Variants in DPP10 observed in about 807,000 individuals in gnomAD.
The protein encoded by DPP10 is inactive dipeptidyl peptidase 10.
Under a neutral mutation model 120.9 loss-of-function variants are expected in DPP10, and 33 were observed. That is an observed-to-expected ratio of 0.27 (90% CI 0.21 to 0.37). The LOEUF (loss-of-function observed/expected upper bound fraction) is 0.37. Ranked by LOEUF, DPP10 falls within the 10% of genes least tolerant of loss-of-function variation. The probability of loss-of-function intolerance (pLI) is 1.00; values close to 1 mark genes in which losing one functional copy is unlikely to be tolerated. For synonymous variants in DPP10, 337 were observed against 326.1 expected (o/e 1.03, Z -0.36); for missense variants, 816 against 942.8 (o/e 0.87, Z 1.76).
intron 2 of DPP10, among the ~76,000 whole-genome samples, chr2:115,314,887 A>G (rs1429591009): frequency 6.6e-6 from 1 of 152,138 alleles, no homozygotes; most frequent in Non-Finnish European, 1.5e-5. Flanking sequence ...AAAAACTAGA[A>G]GACAGCATTT....
intron 1 of DPP10, among the ~76,000 whole-genome samples, chr2:115,115,021 G>C (rs1004945734): frequency 7.9e-5 from 12 of 151,914 alleles, no homozygotes; most frequent in Non-Finnish European, 1.5e-5. Context: ...CAGTCATAGG[G>C]CACTATGCTG....
chr2:114,866,180 A>T (rs1690219317), intron 1 of DPP10, among the ~76,000 whole-genome samples: 1 of 151,832 alleles, frequency 6.6e-6, no homozygotes, highest in Non-Finnish European at 1.5e-5. Context: ...CAAAACAGTC[A>T]TATTTACAAA....
intron 3 of DPP10, among the ~76,000 whole-genome samples, chr2:115,450,474 C>T (rs973586418): frequency 6.6e-5 from 10 of 151,688 alleles, no homozygotes; most frequent in African/African-American, 9.7e-5. Context: ...TTTTTTATTG[C>T]GAAACTTTGA....
In DPP10 at chr2:114,757,319, G is replaced by A. The variant is rs905121496; in HGVS notation, c.60+314481G>A. ...AAGGAAGGAAGAGGGAAGGGAGAAA[G>A]GAGGGAAGGAAAGAAGGAAGAGAAG... is the stretch of plus-strand genomic sequence containing the variant. On this transcript the variant is annotated intron_variant, in intron 1 of 25. Transcript: ENST00000410059. Among the ~76,000 whole-genome samples, 5 of 143,230 alleles carry A rather than the reference G, an allele frequency of 3.5e-5. No homozygotes were observed. The South Asian group carries it at 1.2e-3, about 33-fold the overall frequency. 94.0% of individuals were successfully genotyped at this position (143,230 alleles called of 152,430 possible). A position where few individuals can be genotyped will look rare whatever the true frequency, so the allele number is the denominator to read the frequency against.
chr2:114,833,607 G>T (rs1367561407), intron 1 of DPP10: 1 of 152,176 alleles, frequency 6.6e-6, no homozygotes, highest in Non-Finnish European at 1.5e-5. Flanking sequence ...TTTGATTGCA[G>T]TGTGTTCTTC....
intron 1 of DPP10, among the ~76,000 whole-genome samples, chr2:115,006,100 T>A (rs1361267585): frequency 6.6e-6 from 1 of 152,130 alleles, no homozygotes; most frequent in Non-Finnish European, 1.5e-5. Flanking sequence ...ATCCAGAATT[T>A]CATATCCAGG....
intron 2 of DPP10, among the ~76,000 whole-genome samples, chr2:115,314,097 GA>G (rs1421161427): frequency 6.6e-6 from 1 of 151,832 alleles, no homozygotes; most frequent in Non-Finnish European, 1.5e-5. Flanking sequence ...ATATACTTGG[GA>G]GAACATTTTG....
intron 5 of DPP10, among the ~76,000 whole-genome samples, chr2:115,621,317 T>C (rs1357947180): frequency 2.6e-5 from 4 of 152,218 alleles, no homozygotes; most frequent in African/African-American, 7.2e-5. Context: ...TTATAAAATA[T>C]TACATTTTTA....
intron 1 of DPP10, among the ~76,000 whole-genome samples, chr2:115,005,334 C>T (rs934524093): frequency 4.6e-5 from 7 of 152,192 alleles, no homozygotes; most frequent in Non-Finnish European, 7.3e-5. Flanking sequence ...AGGAACGCAG[C>T]TCCTCACCAG....
At chr2:115,449,840 A>C (rs2072956005) in intron 3 of DPP10, among the ~76,000 whole-genome samples, 1 of 152,110 alleles carries the variant, frequency 6.6e-6, no homozygotes, top group Non-Finnish European at 1.5e-5. Flanking sequence ...AGTTACGTGA[A>C]AATTAGTCTG....
At chr2:115,564,129 T>A (rs566585267) in intron 5 of DPP10, among the ~76,000 whole-genome samples, 1 of 152,170 alleles carries the variant, frequency 6.6e-6, no homozygotes, top group South Asian at 2.1e-4. Flanking sequence ...ATGCCAGCCC[T>A]CGATATTCAA....
chr2:115,163,649 G>A (rs527506814), intron 1 of DPP10, among the ~76,000 whole-genome samples: 26 of 152,224 alleles, frequency 1.7e-4, no homozygotes, highest in Admixed American at 4.6e-4. Context: ...CCTCTTTCAG[G>A]CTGACAGCCC....
intron 1 of DPP10, among the ~76,000 whole-genome samples, chr2:114,520,506 G>A (rs192121951): frequency 6.6e-6 from 1 of 152,116 alleles, no homozygotes; most frequent in African/African-American, 2.4e-5. Context: ...TCTTCATTAG[G>A]TAACAGCAAA....
chr2:115,583,519 G>A (rs1162921008), intron 5 of DPP10, among the ~76,000 whole-genome samples: 2 of 152,138 alleles, frequency 1.3e-5, no homozygotes, highest in African/African-American at 4.8e-5. Context: ...GTTCACCGGG[G>A]ACTGTTGACC....
At chr2:114,500,080 C>T (rs1683026019) in intron 1 of DPP10, among the ~76,000 whole-genome samples, 1 of 152,216 alleles carries the variant, frequency 6.6e-6, no homozygotes, top group Non-Finnish European at 1.5e-5. Context: ...GAGGTATTTT[C>T]TCATTTCTAT....
Position 114,820,150 on chromosome 2 carries a change from G to T in DPP10, c.60+377312G>T, listed in dbSNP as rs147233615. ...CCCGAAGCAAGAATAGAGGGAATTAGTTACAATGTGCCAGAGAGAGTGCAA... is the reference window on the plus strand; with the variant it reads ...CCCGAAGCAAGAATAGAGGGAATTATTTACAATGTGCCAGAGAGAGTGCAA... On this transcript the variant is annotated intron_variant, in intron 1 of 25. Coordinates refer to ENST00000410059, the MANE Select transcript of DPP10 (RefSeq NM_020868.6). 1.8e-3 allele frequency among the ~76,000 whole-genome samples: 272 copies of T among 152,298 alleles called. 1 individual carries two copies. In the East Asian group the frequency reaches 0.029, roughly 16 times the overall value.
rs551907278 is a variant in DPP10, at chr2:115,256,005, C to T, written c.61-53234C>T. 1.2e-3 allele frequency among the ~76,000 whole-genome samples: 190 copies of T among 152,258 alleles called. 1 individual carries two copies. In the Middle Eastern group the frequency reaches 0.017, roughly 14 times the overall value. On this transcript the variant is annotated intron_variant, in intron 1 of 25. Coordinates refer to ENST00000410059, the MANE Select transcript of DPP10 (RefSeq NM_020868.6). Reference sequence around the variant, plus strand: ...GCTTCCACGTTTTCGGGTCTCTTTACGGCAGCACCCAACTTTCTGTGGTAC... The same window carrying T: ...GCTTCCACGTTTTCGGGTCTCTTTATGGCAGCACCCAACTTTCTGTGGTAC...
chr2:115,702,386 A>G (rs961596294), intron 7 of DPP10, among the ~76,000 whole-genome samples: 1 of 152,108 alleles, frequency 6.6e-6, no homozygotes, highest in Non-Finnish European at 1.5e-5. Flanking sequence ...TTGTACGCAA[A>G]TGTCCACAGT....
intron 1 of DPP10, among the ~76,000 whole-genome samples, chr2:114,931,523 G>T (rs140796710): frequency 9.2e-5 from 14 of 152,140 alleles, no homozygotes; most frequent in Non-Finnish European, 1.3e-4. Flanking sequence ...CATTCCTGGG[G>T]TGTCCGCCCC....
Sources: allele counts gnomAD v4.1 joint callset (sites outside exome capture counted in the v4.1 genomes callset), GRCh38; gene constraint gnomAD v4.1.1; transcripts MANE v1.5; gene names NCBI Gene and HGNC (gene_info 2026-07-23, HGNC 2026-07-21).